Variants in CSMD3 observed in about 807,000 individuals in gnomAD.
The protein encoded by CSMD3 is CUB and sushi domain-containing protein 3.
Under a neutral mutation model 435.2 loss-of-function variants are expected in CSMD3, and 177 were observed. That is an observed-to-expected ratio of 0.41 (90% CI 0.36 to 0.46). The LOEUF (loss-of-function observed/expected upper bound fraction) is 0.46. Ranked by LOEUF, CSMD3 falls within the 20% of genes least tolerant of loss-of-function variation. The pLI is 0.34. For synonymous variants in CSMD3, 1,656 were observed against 1,520.5 expected (o/e 1.09, Z -2.07); for missense variants, 4,265 against 4,504.6 (o/e 0.95, Z 1.52).
intron 5 of CSMD3, among the ~76,000 whole-genome samples, chr8:113,090,417 T>C (rs1436537013): frequency 6.6e-6 from 1 of 152,166 alleles, no homozygotes; most frequent in Admixed American, 6.5e-5. Context: ...TAGAAACAAA[T>C]ATACCAGTAT....
intron 32 of CSMD3, among the ~76,000 whole-genome samples, chr8:112,410,676 G>GTATATATATATGTATATATATATGTGTA (rs1563913484): frequency 1.8e-4 from 8 of 44,922 alleles, no homozygotes; most frequent in African/African-American, 4.2e-4. Flanking sequence ...ATATATATGT[G>GTATATATATATGTATATATATATGTGTA]TATATATATA....
At chr8:113,333,477 T>A (rs1457512380) in intron 1 of CSMD3, among the ~76,000 whole-genome samples, 1 of 151,908 alleles carries the variant, frequency 6.6e-6, no homozygotes, top group Non-Finnish European at 1.5e-5. Context: ...AGGTCAACAT[T>A]AATTTTGCTT....
intron 10 of CSMD3, among the ~76,000 whole-genome samples, chr8:112,910,338 C>T (rs1163090378): frequency 1.3e-5 from 2 of 151,656 alleles, no homozygotes; most frequent in Admixed American, 6.6e-5. Flanking sequence ...TCAGTTTCAT[C>T]CAATTTCATC....
intron 7 of CSMD3, among the ~76,000 whole-genome samples, chr8:112,957,457 T>A (rs1290031471): frequency 6.6e-6 from 1 of 152,184 alleles, no homozygotes; most frequent in East Asian, 1.9e-4. Flanking sequence ...ATATTTTTGT[T>A]TGTTTGTTTG....
At chr8:112,531,321 A>T (rs1825513822) in intron 27 of CSMD3, among the ~76,000 whole-genome samples, 1 of 152,110 alleles carries the variant, frequency 6.6e-6, no homozygotes, top group Admixed American at 6.6e-5. Context: ...AGCTGGCTTC[A>T]CTACCAGCTG....
chr8:113,250,354 A>G (rs1402506003), intron 3 of CSMD3, among the ~76,000 whole-genome samples: 4 of 152,084 alleles, frequency 2.6e-5, no homozygotes, highest in African/African-American at 7.2e-5. Flanking sequence ...GTTTGTGAGA[A>G]TGACACATCC....
At chr8:113,144,823 T>C (rs868117911) in intron 4 of CSMD3, among the ~76,000 whole-genome samples, 1 of 151,348 alleles carries the variant, frequency 6.6e-6, no homozygotes, top group Non-Finnish European at 1.5e-5. Flanking sequence ...GCAAACCAAG[T>C]CATACAATCC....
In CSMD3 at chr8:112,676,014, C is replaced by T. The variant is rs146564942; in HGVS notation, c.2677+6428G>A. Among the ~76,000 whole-genome samples, 20 of 152,006 alleles carry T rather than the reference C, an allele frequency of 1.3e-4. No homozygotes were observed. In the East Asian group the frequency reaches 3.5e-3, roughly 26 times the overall value. On this transcript the variant is annotated intron_variant, in intron 16 of 70. Coordinates refer to ENST00000297405, the MANE Select transcript of CSMD3 (RefSeq NM_198123.2). ...GAGTCAGGAAAGATTTGATAAAGACCGAAGAATTTTGGCCTGAATGACTGA... is the reference window on the plus strand; with the variant it reads ...GAGTCAGGAAAGATTTGATAAAGACTGAAGAATTTTGGCCTGAATGACTGA...
At chr8:112,977,166 T>TG (rs1333962020) in intron 6 of CSMD3, among the ~76,000 whole-genome samples, 3 of 151,980 alleles carry the variant, frequency 2.0e-5, no homozygotes, top group African/African-American at 7.2e-5. Flanking sequence ...TGAAATTGAA[T>TG]GGGGGTATAT....
intron 22 of CSMD3, among the ~76,000 whole-genome samples, chr8:112,620,531 AGCGATTTTCT>A (rs1833986515): frequency 6.6e-6 from 1 of 152,112 alleles, no homozygotes; most frequent in African/African-American, 2.4e-5. Context: ...GTATTCTCAA[AGCGATTTTCT>A]GAAAGTGTCA....
chr8:112,251,541 C>A (rs1421926434), intron 63 of CSMD3, among the ~76,000 whole-genome samples: 2 of 151,458 alleles, frequency 1.3e-5, no homozygotes, highest in Admixed American at 6.6e-5. Flanking sequence ...CTGTATTTAT[C>A]ATTTAAGGTA....
intron 32 of CSMD3, among the ~76,000 whole-genome samples, chr8:112,455,584 T>A (rs1816746309): frequency 8.5e-6 from 1 of 117,596 alleles, no homozygotes; most frequent in African/African-American, 3.4e-5. Context: ...ATTATAAAAA[T>A]AAGTAAGTAA....
intron 10 of CSMD3, among the ~76,000 whole-genome samples, chr8:112,861,655 T>C (rs1432456970): frequency 1.3e-5 from 2 of 151,986 alleles, no homozygotes; most frequent in African/African-American, 4.8e-5. Flanking sequence ...ATACATTTCA[T>C]AGCACATTAT....
intron 32 of CSMD3, among the ~76,000 whole-genome samples, chr8:112,451,138 T>G (rs968969474): frequency 6.6e-6 from 1 of 152,156 alleles, no homozygotes; most frequent in African/African-American, 2.4e-5. Flanking sequence ...AGCTACAAAT[T>G]TAAATATAAA....
chr8:112,959,874 T>G (rs778889499), intron 7 of CSMD3, among the ~76,000 whole-genome samples: 2 of 151,658 alleles, frequency 1.3e-5, no homozygotes, highest in Non-Finnish European at 3.0e-5. Flanking sequence ...TAAAACAGAG[T>G]GTGTTATTTT....
chr8:113,270,051 T>C (rs1184249583), intron 3 of CSMD3, among the ~76,000 whole-genome samples: 1 of 151,776 alleles, frequency 6.6e-6, no homozygotes. Flanking sequence ...AGAAAATTTT[T>C]GCAATCTACT....
rs189042839 is a variant in CSMD3 at position 112,711,249 on chromosome 8, A to G, written c.1973-21199T>C. Among the ~76,000 whole-genome samples the G allele has an allele frequency of 9.9e-5, 15 of 152,240 alleles. No individual in the cohort carries two copies. In the East Asian group the frequency reaches 2.5e-3, roughly 26 times the overall value. On this transcript the variant is annotated intron_variant, in intron 13 of 70. Coordinates refer to ENST00000297405, the MANE Select transcript of CSMD3 (RefSeq NM_198123.2). ...AAGAAGAAAAAAATTTTACCAGGGT[A>G]ATTTCAGACCTCATGAAGAGATTTT...
intron 68 of CSMD3, 109 bp from the exon 69 acceptor site, chr8:112,231,741 C>A (rs1354039945): frequency 7.0e-5 from 55 of 790,526 alleles, no homozygotes; most frequent in Middle Eastern, 2.6e-4. Flanking sequence ...TCACAAGTTC[C>A]TTTCTTCTAT....
chr8:113,089,055 G>A (rs1055892538), intron 5 of CSMD3, among the ~76,000 whole-genome samples: 4 of 150,956 alleles, frequency 2.6e-5, no homozygotes, highest in African/African-American at 9.7e-5. Flanking sequence ...TTTTTCTTTT[G>A]GAGATAGGGT....
Sources: allele counts gnomAD v4.1 joint callset (sites outside exome capture counted in the v4.1 genomes callset), GRCh38; gene constraint gnomAD v4.1.1; transcripts MANE v1.5; gene names NCBI Gene and HGNC (gene_info 2026-07-23, HGNC 2026-07-21).